The following SLC38A8 variants were observed in gnomAD, a reference collection of about 807,000 sequenced individuals.
The protein encoded by SLC38A8 is amino acid transporter SLC38A8.
In SLC38A8, 65 loss-of-function variants were observed where a neutral mutation model predicts 46.0. The observed-to-expected ratio is 1.41, with a 90% CI of 1.16 to 1.74. The LOEUF (loss-of-function observed/expected upper bound fraction) is 1.74, where lower values mean the gene tolerates loss of function less well. Ranked by LOEUF, SLC38A8 falls within the 40% of genes most tolerant of loss-of-function variation. The pLI is 0.00. For missense variants in SLC38A8, 998 were observed against 567.9 expected, an observed-to-expected ratio of 1.76 and a Z score of -7.70; for synonymous variants, 447 against 243.7, an observed-to-expected ratio of 1.83 and a Z score of -7.77.
At chr16:84,018,650 T>A (rs982766150) in intron 7 of SLC38A8, among the ~76,000 whole-genome samples, 4 of 152,124 alleles carry the variant, frequency 2.6e-5, no homozygotes, top group African/African-American at 9.7e-5. Flanking sequence ...ACCTAGAAAC[T>A]AAAATCAACA....
Position 84,031,982 on chromosome 16 carries a change from C to T in SLC38A8, c.531-14G>A, listed in dbSNP as rs765983165. ...GTGCCTAGGATGCTAACACAGTGAC[C>T]GTGTGAGGGGCTGCGCAGTGGGTGA... On this transcript the variant is annotated splice_polypyrimidine_tract_variant and intron_variant, in intron 4 of 10. Transcript: ENST00000299709. 1.7e-5 allele frequency: 27 copies of T among 1,611,240 alleles called. No homozygotes were observed. The highest frequency in any genetic ancestry group is 4.5e-5 in the East Asian group (2 of 44,878).
intron 7 of SLC38A8, among the ~76,000 whole-genome samples, chr16:84,019,976 G>C (rs894714133): frequency 1.3e-5 from 2 of 152,192 alleles, no homozygotes; most frequent in Admixed American, 1.3e-4. Flanking sequence ...CTGTTCACAG[G>C]GGTTGGCACC....
intron 3 of SLC38A8, among the ~76,000 whole-genome samples, chr16:84,034,843 C>G (rs1212628138): frequency 6.6e-6 from 1 of 151,940 alleles, no homozygotes; most frequent in Non-Finnish European, 1.5e-5. Flanking sequence ...TCTGGACCTC[C>G]CATAGCCAGG....
At chr16:84,014,070 G>A (rs550122622) in intron 9 of SLC38A8, among the ~76,000 whole-genome samples, 5 of 150,968 alleles carry the variant, frequency 3.3e-5, no homozygotes, top group African/African-American at 1.2e-4. Flanking sequence ...ATCTCTGAAA[G>A]GCCCGCCCAG....
intron 2 of SLC38A8, among the ~76,000 whole-genome samples, chr16:84,038,736 C>T (rs141156180): frequency 2.0e-5 from 3 of 152,214 alleles, no homozygotes; most frequent in African/African-American, 7.2e-5. Context: ...TCCCTCCCAT[C>T]CCCAGAAGAA....
At chr16:84,024,328 A>C (rs916429292) in intron 6 of SLC38A8, among the ~76,000 whole-genome samples, 1 of 152,164 alleles carries the variant, frequency 6.6e-6, no homozygotes, top group African/African-American at 2.4e-5. Flanking sequence ...TGTATATGTG[A>C]CATGCCATAT....
chr16:84,043,047 C>T (rs1228345659), upstream of SLC38A8, among the ~76,000 whole-genome samples: 1 of 152,146 alleles, frequency 6.6e-6, no homozygotes, highest in Non-Finnish European at 1.5e-5. Flanking sequence ...GCCCTGAGCC[C>T]AGCCTCCTCC....
intron 10 of SLC38A8, among the ~76,000 whole-genome samples, chr16:84,011,781 G>A (rs775140104): frequency 1.3e-5 from 2 of 152,214 alleles, no homozygotes; most frequent in Non-Finnish European, 2.9e-5. Context: ...CTACTCAGGA[G>A]GCTGAGGCAG....
In SLC38A8 at chr16:84,036,904, CGG is replaced by C. The variant is rs749922928; in HGVS notation, c.190-6_190-5del. 2 of 1,608,380 alleles carry C rather than the reference CGG, an allele frequency of 1.2e-6. No homozygotes were observed. The highest frequency in any genetic ancestry group is 2.2e-5 in the East Asian group (1 of 44,594). On this transcript the variant is annotated splice_polypyrimidine_tract_variant and splice_region_variant and intron_variant, in intron 2 of 10. Coordinates refer to ENST00000299709, the MANE Select transcript of SLC38A8 (RefSeq NM_001080442.3). ...TGATCAGGAAGACCAACGAGACCTG[CGG>C]AGAAGGAGCAGGACCTGGAACTGGG...
chr16:84,040,532 T>A (rs1280122289), intron 2 of SLC38A8, among the ~76,000 whole-genome samples: 2 of 152,204 alleles, frequency 1.3e-5, no homozygotes, highest in African/African-American at 4.8e-5. Context: ...TCATGGCCAT[T>A]CCTGCTGCCC....
chr16:84,033,194 A>G, intron 4 of SLC38A8, 134 bp downstream of exon 4: 1 of 1,192,070 alleles, frequency 8.4e-7, no homozygotes, highest in Non-Finnish European at 1.2e-6. Context: ...TACTTGTATA[A>G]TTTTTTTTTC....
intron 6 of SLC38A8, among the ~76,000 whole-genome samples, chr16:84,026,592 G>A (rs1188380600): frequency 6.6e-6 from 1 of 152,196 alleles, no homozygotes; most frequent in Non-Finnish European, 1.5e-5. Flanking sequence ...AGGAGGTGGT[G>A]GCAGTGGGCA....
intron 7 of SLC38A8, among the ~76,000 whole-genome samples, chr16:84,019,525 T>C (rs567507718): frequency 6.6e-6 from 1 of 152,320 alleles, no homozygotes; most frequent in African/African-American, 2.4e-5. Flanking sequence ...GATACTGCCA[T>C]ACTGGCAATT....
At chr16:84,012,644 G>A (rs1392362632) in intron 10 of SLC38A8, among the ~76,000 whole-genome samples, 2 of 152,342 alleles carry the variant, frequency 1.3e-5, no homozygotes, top group African/African-American at 2.4e-5. Flanking sequence ...GGCCGGCCAT[G>A]GGGCCTTTCT....
At chr16:84,016,780 C>T (rs1245667864) in intron 8 of SLC38A8, 53 bp from the exon 9 acceptor site, 2 of 1,560,268 alleles carry the variant, frequency 1.3e-6, no homozygotes, top group Non-Finnish European at 1.7e-6. Flanking sequence ...CACCAGCCTC[C>T]ACCCGACAGC....
At chr16:84,022,964 A>G in intron 6 of SLC38A8, 75 bp from the exon 7 acceptor site, 2 of 1,038,386 alleles carry the variant, frequency 1.9e-6, no homozygotes, top group African/African-American at 1.6e-5. Flanking sequence ...ACTCATATCC[A>G]AAAGGCGGGA....
rs761256311 is a variant in SLC38A8 at position 84,036,914 on chromosome 16, G to A, written c.190-14C>T. The A allele has an allele frequency of 1.2e-6, 2 of 1,601,062 alleles. No homozygotes were observed. Among genetic ancestry groups the A allele is most frequent in the South Asian group, 1.1e-5 (1 of 89,498 alleles). On this transcript the variant is annotated splice_polypyrimidine_tract_variant and intron_variant, in intron 2 of 10. Transcript: ENST00000299709. ...GACCAACGAGACCTGCGGAGAAGGA[G>A]CAGGACCTGGAACTGGGGTGTGCCC...
At chr16:84,020,374 G>A (rs1286362966) in intron 7 of SLC38A8, among the ~76,000 whole-genome samples, 2 of 152,074 alleles carry the variant, frequency 1.3e-5, no homozygotes, top group Non-Finnish European at 2.9e-5. Flanking sequence ...TCGAACTCCT[G>A]GCCTCAAGCA....
chr16:84,010,460 G>T (rs1241085205), intron 10 of SLC38A8, among the ~76,000 whole-genome samples: 1 of 152,064 alleles, frequency 6.6e-6, no homozygotes, highest in Non-Finnish European at 1.5e-5. Context: ...AGACATGGGG[G>T]CCAGGCATGG....
Sources: gnomAD v4.1 joint callset for allele counts (sites outside exome capture counted in the v4.1 genomes callset) on GRCh38, gnomAD v4.1.1 for gene constraint, MANE v1.5 for transcripts, NCBI Gene and HGNC (gene_info 2026-07-23, HGNC 2026-07-21) for gene names.